Variants in WDFY2 observed in about 807,000 individuals in gnomAD.
The protein encoded by WDFY2 is WD repeat and FYVE domain containing 2.
A neutral mutation model predicts 56.4 loss-of-function variants in WDFY2; 36 were observed. The ratio of observed to expected loss-of-function variants is 0.64; its 90% CI spans 0.49 to 0.84. WDFY2 has a LOEUF of 0.84. Ranked by LOEUF, WDFY2 falls within the 40% of genes least tolerant of loss-of-function variation. WDFY2 has a pLI of 0.00. For missense variants in WDFY2, 444 were observed against 512.2 expected (o/e 0.87, Z 1.29); for synonymous variants, 176 against 183.7 (o/e 0.96, Z 0.34).
At chr13:51,644,332 T>G (rs1378910962) in intron 1 of WDFY2, among the ~76,000 whole-genome samples, 1 of 152,244 alleles carries the variant, frequency 6.6e-6, no homozygotes, top group Non-Finnish European at 1.5e-5. Context: ...GTCTTACTAC[T>G]GACTGCTTAA....
intron 1 of WDFY2, among the ~76,000 whole-genome samples, chr13:51,609,121 A>T (rs1292274130): frequency 6.6e-6 from 1 of 152,198 alleles, no homozygotes; most frequent in African/African-American, 2.4e-5. Context: ...ACTTAAAAAA[A>T]TTGTGAAATA....
intron 1 of WDFY2, chr13:51,589,645 A>C (rs1954007476): frequency 6.6e-6 from 1 of 152,190 alleles, no homozygotes; most frequent in African/African-American, 2.4e-5. Flanking sequence ...AAGAAATGCA[A>C]ATCAAAGTTT....
At chr13:51,669,914 T>A (rs1711846009) in intron 2 of WDFY2, among the ~76,000 whole-genome samples, 2 of 152,204 alleles carry the variant, frequency 1.3e-5, no homozygotes, top group African/African-American at 4.8e-5. Context: ...ATTTATTTCA[T>A]CTAGAGTTCA....
intron 3 of WDFY2, among the ~76,000 whole-genome samples, chr13:51,702,518 G>A (rs1181175294): frequency 1.3e-5 from 2 of 152,106 alleles, no homozygotes; most frequent in Non-Finnish European, 2.9e-5. Flanking sequence ...ATGGAAAAAT[G>A]AATAAGCAAA....
chr13:51,679,622 A>G (rs1334833379), intron 3 of WDFY2, among the ~76,000 whole-genome samples: 1 of 152,120 alleles, frequency 6.6e-6, no homozygotes, highest in Non-Finnish European at 1.5e-5. Context: ...ATACTCTTAC[A>G]GTATACATTA....
In WDFY2 at chr13:51,763,502, T is replaced by G. The variant is rs567376150; in HGVS notation, c.*3733T>G. 3.9e-5 allele frequency: 6 copies of G among 152,354 alleles called. No homozygotes were observed. Among genetic ancestry groups the G allele is most frequent in the Non-Finnish European group, 8.8e-5 (6 of 68,034 alleles). The allele number at this position is 152,354 out of a possible 1,614,324, so 9.4% of individuals were successfully genotyped here. ...TCACATTTTCATTTTCTGAGATTCA[T>G]TTTATAAAAGTAAAGGCCAGGTGCC... On this transcript the variant is annotated 3_prime_UTR_variant, in exon 12 of 12. Transcript: ENST00000298125.
chr13:51,692,621 T>G (rs1438292595), intron 3 of WDFY2, among the ~76,000 whole-genome samples: 1 of 152,238 alleles, frequency 6.6e-6, no homozygotes, highest in African/African-American at 2.4e-5. Flanking sequence ...GATTTTTGCA[T>G]CAATGTTCAT....
chr13:51,701,847 T>G (rs985008910), intron 3 of WDFY2, among the ~76,000 whole-genome samples: 2 of 152,082 alleles, frequency 1.3e-5, no homozygotes, highest in African/African-American at 4.8e-5. Flanking sequence ...TTCAATAAAT[T>G]TATTTGTGTA....
intron 1 of WDFY2, among the ~76,000 whole-genome samples, chr13:51,614,269 TATC>T (rs2138341725): frequency 6.6e-6 from 1 of 152,194 alleles, no homozygotes; most frequent in South Asian, 2.1e-4. Flanking sequence ...TTCAAGGGAT[TATC>T]TCAAGCTATG....
At chr13:51,677,097 G>T (rs1955901410) in intron 3 of WDFY2, among the ~76,000 whole-genome samples, 1 of 152,164 alleles carries the variant, frequency 6.6e-6, no homozygotes, top group African/African-American at 2.4e-5. Flanking sequence ...GCTATTTATT[G>T]TATATAAGAG....
chr13:51,594,768 A>G (rs1275729357), intron 1 of WDFY2, among the ~76,000 whole-genome samples: 1 of 152,140 alleles, frequency 6.6e-6, no homozygotes, highest in Non-Finnish European at 1.5e-5. Flanking sequence ...GACTCGTCCT[A>G]GTGTTGTTGG....
rs1246292726 is a variant in WDFY2 at position 51,766,730 on chromosome 13, C to T, written c.*6961C>T. 2.6e-5 allele frequency: 4 copies of T among 152,284 alleles called. No individual in the cohort carries two copies. The highest frequency in any genetic ancestry group is 9.6e-5 in the African/African-American group (4 of 41,472). 9.4% of individuals were successfully genotyped at this position (152,284 alleles called of 1,614,324 possible). ...AACCAAAATATACGTGTAGCCATTA[C>T]CAATGTACAACTCTCAATGCGGAGT... On this transcript the variant is annotated 3_prime_UTR_variant, in exon 12 of 12. Transcript: ENST00000298125.
At chr13:51,701,671 A>G (rs1951987846) in intron 3 of WDFY2, among the ~76,000 whole-genome samples, 3 of 152,160 alleles carry the variant, frequency 2.0e-5, no homozygotes, top group Admixed American at 6.5e-5. Flanking sequence ...TAATGTATAT[A>G]TTAAATCCTA....
chr13:51,723,836 T>C (rs1255686046), intron 5 of WDFY2, among the ~76,000 whole-genome samples: 2 of 152,202 alleles, frequency 1.3e-5, no homozygotes. Flanking sequence ...TGAACACTTT[T>C]TCGTTAAGGT....
intron 1 of WDFY2, among the ~76,000 whole-genome samples, chr13:51,618,328 A>G (rs1954660231): frequency 1.3e-5 from 2 of 152,196 alleles, no homozygotes; most frequent in African/African-American, 4.8e-5. Flanking sequence ...TACTAGTAGC[A>G]ATGATATTGA....
chr13:51,668,837 A>G (rs895566226), intron 2 of WDFY2, among the ~76,000 whole-genome samples: 1 of 152,212 alleles, frequency 6.6e-6, no homozygotes, highest in African/African-American at 2.4e-5. Context: ...TGAAATCCGC[A>G]GCTTAACCTT....
chr13:51,620,832 G>A (rs1434916070), intron 1 of WDFY2, among the ~76,000 whole-genome samples: 3 of 152,150 alleles, frequency 2.0e-5, no homozygotes, highest in Admixed American at 2.0e-4. Context: ...TCTCTCACCC[G>A]GTCAGCACTG....
intron 1 of WDFY2, among the ~76,000 whole-genome samples, chr13:51,635,341 T>C (rs1376427610): frequency 6.6e-6 from 1 of 152,190 alleles, no homozygotes; most frequent in East Asian, 1.9e-4. Context: ...CAGCTTTGCG[T>C]AATTGAGAGA....
chr13:51,624,029 C>T lies in WDFY2; in HGVS notation c.138-36567C>T, dbSNP rs138452469. On this transcript the variant is annotated intron_variant, in intron 1 of 11. Transcript: ENST00000298125. ...AAGAGCTGTCTTGGAAGTGATTGACCCCTATTTTAAGATAATAAAGGATGA... is the reference window on the plus strand; with the variant it reads ...AAGAGCTGTCTTGGAAGTGATTGACTCCTATTTTAAGATAATAAAGGATGA... Among the ~76,000 whole-genome samples the T allele has an allele frequency of 1.2e-3, 190 of 152,088 alleles. 1 individual carries two copies. Among genetic ancestry groups the T allele is most frequent in the African/African-American group, 4.5e-3 (186 of 41,482 alleles).
Sources: gnomAD v4.1 joint callset for allele counts (sites outside exome capture counted in the v4.1 genomes callset) on GRCh38, gnomAD v4.1.1 for gene constraint, MANE v1.5 for transcripts, NCBI Gene and HGNC (gene_info 2026-07-23, HGNC 2026-07-21) for gene names.